FLNC: variants seen among roughly 807,000 people sequenced by gnomAD.
FLNC encodes the protein filamin-C.
In FLNC, 91 loss-of-function variants were observed where a neutral mutation model predicts 254.3. The observed-to-expected ratio is 0.36, with a 90% CI of 0.30 to 0.43. The LOEUF is 0.43. FLNC is among the 20% of genes least tolerant of loss of function. The pLI, the probability that FLNC is intolerant of heterozygous loss-of-function variation, is 1.00. For synonymous variants in FLNC, 1,430 were observed against 1,577.2 expected (o/e 0.91, Z 2.21); for missense variants, 2,853 against 3,802.6 (o/e 0.75, Z 6.57).
At position 128,850,039 on chromosome 7, in the gene FLNC, G is replaced by A. The variant is rs368768007; in HGVS notation, c.5263G>A (p.Ala1755Thr). 2.3e-5 allele frequency: 36 copies of A among 1,552,776 alleles called. No individual in the cohort carries two copies. In the East Asian group the frequency reaches 2.9e-4, roughly 12 times the overall value. Residue 1755 changes from alanine to threonine, a missense_variant, in exon 31 of 48, where the codon GCT becomes ACT. By Grantham distance (58) the Ala-to-Thr change is moderately conservative (BLOSUM62 0). Around this residue, in one of 10 missense-constraint regions of FLNC, gnomAD observed 258 missense variants for 312.3 expected, o/e 0.83. Coordinates refer to ENST00000325888, the MANE Select transcript of FLNC (RefSeq NM_001458.5). The part of the protein sequence containing the change: ...SEVPQLRQPY[A>T]PPRPGARPTH... ...AGTGCCACAGCTGCGCCAGCCCTAC[G>A]CTCCTCCCCGGCCCGGCGCCCGCCC...
intron 5 of FLNC, 85 bp from the exon 6 acceptor site, chr7:128,837,902 G>A: frequency 7.1e-7 from 1 of 1,409,844 alleles, no homozygotes. Context: ...TGGGGGCTGA[G>A]TGGGGCTGGG....
In FLNC at chr7:128,850,868, A is replaced by T. The variant is rs988505839; in HGVS notation, c.5464A>T (p.Ile1822Phe). 6.2e-7 allele frequency: 1 copy of T among 1,613,440 alleles called. No individual in the cohort carries two copies. Among genetic ancestry groups the T allele is most frequent in the Non-Finnish European group, 8.5e-7 (1 of 1,179,982 alleles). The part of the protein sequence containing the change: ...PNITDNKDGT[I>F]TVRYAPTEKG... ...CATCACCGACAACAAGGACGGCACC[A>T]TCACGGTGAGGTATGCACCCACTGA... The change falls in exon 33 of 48, where the codon ATC becomes TTC. Residue 1822 changes from isoleucine (I) to phenylalanine (F), a missense_variant. Around this residue, in one of 10 missense-constraint regions of FLNC, gnomAD observed 258 missense variants for 312.3 expected, o/e 0.83. Transcript: ENST00000325888.
chr7:128,845,792 G>T (rs1808535684), intron 21 of FLNC, among the ~76,000 whole-genome samples, 198 bp from the exon 22 acceptor site: 1 of 151,012 alleles, frequency 6.6e-6, no homozygotes, highest in African/African-American at 2.4e-5. Flanking sequence ...TGCAGGGGAG[G>T]GTGTGGGGCC....
rs755832014 is a variant in FLNC at position 128,846,789 on chromosome 7, C to G, written c.4172C>G (p.Ser1391Trp). The G allele has an allele frequency of 6.2e-7, 1 of 1,614,192 alleles. No homozygotes were observed. Among genetic ancestry groups the G allele is most frequent in the South Asian group, 1.1e-5 (1 of 91,090 alleles). ...GGLGLAIEGPSEAKMSCKDNK... is the reference protein window; with the variant it reads ...GGLGLAIEGPWEAKMSCKDNK... The stretch of plus-strand genomic sequence containing the variant: ...CTTGGCCTAGCCATCGAGGGTCCCT[C>G]GGAAGCCAAGATGTCCTGCAAGGAC... Residue 1391 changes from serine (S) to tryptophan (W), a missense_variant, in exon 24 of 48, where the codon TCG becomes TGG. By Grantham distance (177) the Ser-to-Trp change is radical (BLOSUM62 -3). This residue lies in a region of FLNC where 1,573 missense variants were observed against 1,883.5 expected (regional missense o/e 0.84). Coordinates refer to ENST00000325888, the MANE Select transcript of FLNC (RefSeq NM_001458.5).
intron 17 of FLNC, 24 bp from the exon 18 acceptor site, chr7:128,843,384 C>A (rs747888048): frequency 4.3e-6 from 7 of 1,613,830 alleles, no homozygotes; most frequent in Non-Finnish European, 5.9e-6. Flanking sequence ...CAGGCCCTCA[C>A]CACATCTCTG....
intron 23 of FLNC, 67 bp from the exon 24 acceptor site, chr7:128,846,678 C>G (rs1003153680): frequency 2.0e-5 from 31 of 1,522,256 alleles, no homozygotes; most frequent in East Asian, 4.6e-5. Context: ...CCTGTCCCCC[C>G]ATTCAGCTAC....
At position 128,837,421 on chromosome 7, in the gene FLNC, G is replaced by A; in HGVS notation, c.723G>A (p.Val241=). The A allele has an allele frequency of 1.9e-6, 3 of 1,614,104 alleles. No individual in the cohort carries two copies. Among genetic ancestry groups the A allele is most frequent in the Non-Finnish European group, 2.5e-6 (3 of 1,179,988 alleles). Residue 241 remains valine, a synonymous_variant, in exon 4 of 48, where the codon GTG becomes GTA. Coordinates refer to ENST00000325888, the MANE Select transcript of FLNC (RefSeq NM_001458.5). ...AGGTCATTGCCCCTGAGGAGATTGT[G>A]GACCCCAACGTGGATGAGCATTCTG... ...VPQVIAPEEI[V]DPNVDEHSVM...
rs1335257583 is a variant in FLNC, at chr7:128,855,280, A to T, written c.7217A>T (p.Asp2406Val). ...PFVVPVASLSDDARRLTVTSL... is the reference protein window; with the variant it reads ...PFVVPVASLSVDARRLTVTSL... The stretch of plus-strand genomic sequence containing the variant: ...GTGGTGCCTGTGGCCTCCCTCTCGG[A>T]TGACGCTCGCCGTCTCACTGTCACC... The change falls in exon 43 of 48, where the codon GAT becomes GTT. Residue 2406 changes from aspartate to valine, a missense_variant. Coordinates refer to ENST00000325888, the MANE Select transcript of FLNC (RefSeq NM_001458.5). 2 of 1,613,528 alleles carry T rather than the reference A, an allele frequency of 1.2e-6. No homozygotes were observed. Among genetic ancestry groups the T allele is most frequent in the Admixed American group, 3.3e-5 (2 of 60,018 alleles).
Position 128,842,777 on chromosome 7 carries a change from T to C in FLNC, c.2390-17T>C. 1 of 1,612,712 alleles carries C rather than the reference T, an allele frequency of 6.2e-7. No homozygotes were observed. Among genetic ancestry groups the C allele is most frequent in the Non-Finnish European group, 8.5e-7 (1 of 1,179,718 alleles). ...GGGGGCTGAGCCCAACTCACAGCAG[T>C]GCCCGCTTCTCTGCAGGCGACGTGA... On this transcript the variant is annotated splice_polypyrimidine_tract_variant and intron_variant, in intron 15 of 47. Coordinates refer to ENST00000325888, the MANE Select transcript of FLNC (RefSeq NM_001458.5). This position sits in a 1 kb window ranked among gnomAD's most constrained non-coding sequence, Gnocchi z 5.4.
intron 30 of FLNC, 94 bp from the exon 31 acceptor site, chr7:128,849,882 C>T: frequency 1.1e-6 from 1 of 940,962 alleles, no homozygotes; most frequent in Non-Finnish European, 1.7e-6. Context: ...CCCAAATTAT[C>T]ACCCAGCATT....
Position 128,844,964 on chromosome 7 carries a change from C to A in FLNC, c.3499C>A (p.Arg1167Ser). 8.7e-6 allele frequency: 14 copies of A among 1,613,820 alleles called. No homozygotes were observed. Among genetic ancestry groups the A allele is most frequent in the Non-Finnish European group, 1.2e-5 (14 of 1,180,030 alleles). ...GCGGGCCAGTGGACCGGGCCTGGAG[C>A]GCGGCAAGGTCGGTGAGGCAGCCAC... is the stretch of plus-strand genomic sequence containing the variant. Reference protein sequence around the residue: ...KVRASGPGLERGKVGEAATFT... With the variant: ...KVRASGPGLESGKVGEAATFT... The change falls in exon 21 of 48, where the codon CGC (arginine) becomes AGC (serine). Residue 1167 changes from arginine (R) to serine (S), a missense_variant. By Grantham distance (110) the Arg-to-Ser change is moderately radical. Coordinates refer to ENST00000325888, the MANE Select transcript of FLNC (RefSeq NM_001458.5).
At chr7:128,849,073 G>T in intron 28 of FLNC, 91 bp downstream of exon 28, 4 of 1,591,960 alleles carry the variant, frequency 2.5e-6, no homozygotes, top group Non-Finnish European at 2.6e-6. Flanking sequence ...GGGTCTGCTG[G>T]TCGGAGAGCA....
rs372497581 is a variant in FLNC, at chr7:128,838,017, C to A, written c.1000C>A (p.Arg334Ser). Residue 334 changes from arginine (R) to serine (S), a missense_variant, in exon 6 of 48, where the codon CGC (arginine) becomes AGC (serine). Around this residue, in one of 10 missense-constraint regions of FLNC, gnomAD observed 1,573 missense variants for 1,883.5 expected, o/e 0.84. Transcript: ENST00000325888. Reference sequence around the variant, plus strand: ...GGTGGTTCCCAACAATGACAAGGATCGCACCTATGCTGTCTCCTATGTGCC... The same window carrying A: ...GGTGGTTCCCAACAATGACAAGGATAGCACCTATGCTGTCTCCTATGTGCC... ...AKVVPNNDKD[R>S]TYAVSYVPKV... 5.0e-6 allele frequency: 8 copies of A among 1,613,870 alleles called. No individual in the cohort carries two copies. The Admixed American group carries it at 1.3e-4, about 27-fold the overall frequency.
intron 1 of FLNC, among the ~76,000 whole-genome samples, chr7:128,832,056 C>T (rs931950977): frequency 3.4e-4 from 52 of 152,280 alleles, no homozygotes; most frequent in African/African-American, 1.3e-3. Context: ...GGGCCCCACA[C>T]AGGATGTTCC....
intron 29 of FLNC, 57 bp downstream of exon 29, chr7:128,849,261 G>C: frequency 6.2e-7 from 1 of 1,614,066 alleles, no homozygotes; most frequent in South Asian, 1.1e-5. Flanking sequence ...GCGGTAGGGG[G>C]CGGGCAGCGG....
rs371394538 is a variant in FLNC at position 128,851,445 on chromosome 7, C to A, written c.5669-10C>A. 6.2e-7 allele frequency: 1 copy of A among 1,613,952 alleles called. No homozygotes were observed. Among genetic ancestry groups the A allele is most frequent in the Non-Finnish European group, 8.5e-7 (1 of 1,180,038 alleles). ...AGGACCTCTGATCTTGGCCACACCTCCACCTACAGGGGGTCTGTCACTGGC... is the reference window on the plus strand; with the variant it reads ...AGGACCTCTGATCTTGGCCACACCTACACCTACAGGGGGTCTGTCACTGGC... On this transcript the variant is annotated splice_polypyrimidine_tract_variant and intron_variant, in intron 34 of 47. Coordinates refer to ENST00000325888, the MANE Select transcript of FLNC (RefSeq NM_001458.5).
At chr7:128,848,175 C>G (rs2128937395) in intron 26 of FLNC, 107 bp downstream of exon 26, 1 of 1,351,162 alleles carries the variant, frequency 7.4e-7, no homozygotes, top group Admixed American at 2.0e-5. Flanking sequence ...CCTCTCCCAG[C>G]TCTCAGCCTC....
rs2291571 is a variant in FLNC at position 128,855,165 on chromosome 7, C to G, written c.7136-34C>G. On this transcript the variant is annotated intron_variant, in intron 42 of 47. Transcript: ENST00000325888. ...AGGCTCCCGCCCTGCCAACCTCCAT[C>G]CCGGAACCTGTGCTGACTGGTCTCT... The G allele has an allele frequency of 5.0e-3, 7,491 of 1,486,054 alleles. 173 individuals are homozygous for G. The highest frequency in any genetic ancestry group is 0.05 in the South Asian group (4,439 of 88,526). The allele number at this position is 1,486,054 out of a possible 1,614,324, so 92.1% of individuals were successfully genotyped here. A position where few individuals can be genotyped will look rare whatever the true frequency, so the allele number is the denominator to read the frequency against.
In FLNC at chr7:128,855,332, GGGT is replaced by G; in HGVS notation, c.7251+21_7251+23del. ...GCCTCCAGGTTTGTGCCCAGGGTGG[GGGT>G]GGAGGGTTTCTGCTATCTGAGAGAT... On this transcript the variant is annotated intron_variant, in intron 43 of 47. Coordinates refer to ENST00000325888, the MANE Select transcript of FLNC (RefSeq NM_001458.5). The G allele has an allele frequency of 6.6e-7, 1 of 1,513,260 alleles. No individual in the cohort carries two copies. The highest frequency in any genetic ancestry group is 9.2e-7 in the Non-Finnish European group (1 of 1,089,994). The allele number at this position is 1,513,260 out of a possible 1,614,324, so 93.7% of individuals were successfully genotyped here.
Sources: gnomAD v4.1 joint callset for allele counts (sites outside exome capture counted in the v4.1 genomes callset) on GRCh38, gnomAD v4.1.1 for gene constraint, gnomAD v4.1.1 regional missense constraint, Gnocchi (gnomAD v3.1) non-coding constraint, MANE v1.5 for transcripts, NCBI Gene and HGNC (gene_info 2026-07-23, HGNC 2026-07-21) for gene names.